Variants in SLC30A6 observed in about 807,000 individuals in gnomAD.
The protein encoded by SLC30A6 is zinc transporter 6.
Under a neutral mutation model 63.0 loss-of-function variants are expected in SLC30A6, and 55 were observed. The ratio of observed to expected loss-of-function variants is 0.87; its 90% CI spans 0.70 to 1.09. SLC30A6 has a LOEUF of 1.09. Among genes scored for constraint, SLC30A6 ranks in the 50% least tolerant of loss-of-function variants. The pLI is 0.00. For missense variants in SLC30A6, 587 were observed against 549.2 expected, an observed-to-expected ratio of 1.07 and a Z score of -0.69; for synonymous variants, 224 against 186.1, an observed-to-expected ratio of 1.20 and a Z score of -1.66.
intron 4 of SLC30A6, chr2:32,177,481 G>A (rs1254632918): frequency 6.5e-5 from 16 of 247,408 alleles, no homozygotes; most frequent in South Asian, 4.5e-4. Context: ...TATTAGAGAC[G>A]GGGTTTCACC....
intron 4 of SLC30A6, among the ~76,000 whole-genome samples, chr2:32,180,096 T>C (rs911820856): frequency 6.6e-6 from 1 of 151,980 alleles, no homozygotes; most frequent in Non-Finnish European, 1.5e-5. Flanking sequence ...TACTCCAGCC[T>C]CAGTGACAGA....
At chr2:32,204,539 T>A in intron 10 of SLC30A6, 51 bp from the exon 11 acceptor site, 1 of 1,220,100 alleles carries the variant, frequency 8.2e-7, no homozygotes, top group Non-Finnish European at 1.2e-6. Context: ...TTAATTGTAA[T>A]ATGCCCAGTG....
At position 32,184,332 on chromosome 2, in the gene SLC30A6, C is replaced by T; in HGVS notation, c.278C>T (p.Ser93Leu). The change falls in exon 5 of 14, where the codon TCA (serine) becomes TTA (leucine). Residue 93 changes from serine (S) to leucine (L), a missense_variant. Physicochemically the swap from Ser to Leu is moderately radical, Grantham distance 145. Coordinates refer to ENST00000282587, the MANE Select transcript of SLC30A6 (RefSeq NM_017964.5). ...TTGAGGAAACCTAGCCCTGTCTATTCATTTGGGTAAGTTCAAATTATTTTA... is the reference window on the plus strand; with the variant it reads ...TTGAGGAAACCTAGCCCTGTCTATTTATTTGGGTAAGTTCAAATTATTTTA... ...VTLRKPSPVY[S>L]FGFERLEVLA... is the part of the protein sequence containing the mutation. The T allele has an allele frequency of 2.0e-6, 3 of 1,491,938 alleles. No individual in the cohort carries two copies. The highest frequency in any genetic ancestry group is 1.4e-5 in the African/African-American group (1 of 71,372). The allele number at this position is 1,491,938 out of a possible 1,614,324, so 92.4% of individuals were successfully genotyped here. A position where few individuals can be genotyped will look rare whatever the true frequency, so the allele number is the denominator to read the frequency against.
intron 4 of SLC30A6, among the ~76,000 whole-genome samples, chr2:32,179,605 T>C (rs1159445590): frequency 2.0e-5 from 3 of 152,188 alleles, no homozygotes; most frequent in African/African-American, 7.2e-5. Context: ...ATCTGTGTAA[T>C]TAAATATTAT....
intron 1 of SLC30A6, among the ~76,000 whole-genome samples, chr2:32,169,680 C>A (rs915718046): frequency 3.9e-5 from 6 of 152,120 alleles, no homozygotes; most frequent in Non-Finnish European, 7.3e-5. Flanking sequence ...TCCTTCACCG[C>A]AGAATGGGGC....
intron 5 of SLC30A6, 59 bp downstream of exon 5, chr2:32,184,397 T>C (rs1682620845): frequency 2.0e-6 from 2 of 988,288 alleles, no homozygotes; most frequent in Non-Finnish European, 1.4e-6. Context: ...TTATTTATAG[T>C]AGACGATAAA....
chr2:32,197,966 G>A (rs892741619), intron 10 of SLC30A6, 140 bp downstream of exon 10: 10 of 998,400 alleles, frequency 1.0e-5, no homozygotes, highest in Non-Finnish European at 1.4e-5. Flanking sequence ...TTTTCCTTAG[G>A]TGTCTTCATC....
intron 13 of SLC30A6, among the ~76,000 whole-genome samples, chr2:32,219,521 G>A (rs964884656): frequency 3.9e-5 from 6 of 151,928 alleles, no homozygotes; most frequent in South Asian, 2.1e-4. Flanking sequence ...TGCAACCTCC[G>A]CCTCCTGGGT....
intron 10 of SLC30A6, chr2:32,201,839 A>G (rs907574677): frequency 5.2e-5 from 75 of 1,431,472 alleles, no homozygotes; most frequent in Middle Eastern, 1.9e-4. Context: ...GACTCAGATG[A>G]GAAATCAGAA....
intron 4 of SLC30A6, 92 bp downstream of exon 4, chr2:32,175,453 A>C (rs1681649627): frequency 5.8e-6 from 6 of 1,030,146 alleles, no homozygotes; most frequent in Non-Finnish European, 8.8e-6. Flanking sequence ...AAAAACAGCA[A>C]CTACTGATAT....
chr2:32,171,696 ATTT>A (rs11324818), intron 2 of SLC30A6, among the ~76,000 whole-genome samples: 1 of 146,882 alleles, frequency 6.8e-6, no homozygotes, highest in African/African-American at 2.5e-5. Context: ...TCTTTTATTT[ATTT>A]TTTTTTTTTT....
At position 32,184,339 on chromosome 2, in the gene SLC30A6, G is replaced by T; in HGVS notation, c.284+1G>T. ...AACCTAGCCCTGTCTATTCATTTGGGTAAGTTCAAATTATTTTATTTTCTG... is the reference window on the plus strand; with the variant it reads ...AACCTAGCCCTGTCTATTCATTTGGTTAAGTTCAAATTATTTTATTTTCTG... On this transcript the variant is annotated splice_donor_variant, in intron 5 of 13. Coordinates refer to ENST00000282587, the MANE Select transcript of SLC30A6 (RefSeq NM_017964.5). LOFTEE classifies it high-confidence loss of function. 1 of 1,479,010 alleles carries T rather than the reference G, an allele frequency of 6.8e-7. No homozygotes were observed. The highest frequency in any genetic ancestry group is 1.5e-5 in the South Asian group (1 of 68,508). 91.6% of individuals were successfully genotyped at this position (1,479,010 alleles called of 1,614,324 possible).
rs1014064292 is a variant in SLC30A6, at chr2:32,188,356, C to T, written c.285-3980C>T. 5.3e-5 allele frequency among the ~76,000 whole-genome samples: 8 copies of T among 152,310 alleles called. 1 individual carries two copies. Among genetic ancestry groups the T allele is most frequent in the Admixed American group, 3.3e-4 (5 of 15,292 alleles). On this transcript the variant is annotated intron_variant, in intron 5 of 13. Transcript: ENST00000282587. ...GACTACTATAATTCTCTGTACAGAACTTACCAAACAAGGTATTTGTTTTTC... is the reference window on the plus strand; with the variant it reads ...GACTACTATAATTCTCTGTACAGAATTTACCAAACAAGGTATTTGTTTTTC...
chr2:32,203,045 C>A, intron 10 of SLC30A6: 1 of 1,244,234 alleles, frequency 8.0e-7, no homozygotes, highest in South Asian at 1.2e-5. Context: ...AACAGAATGC[C>A]CAGTGTTTAC....
intron 1 of SLC30A6, among the ~76,000 whole-genome samples, chr2:32,171,000 A>C (rs1681152284): frequency 6.6e-6 from 1 of 152,218 alleles, no homozygotes; most frequent in Non-Finnish European, 1.5e-5. Flanking sequence ...CCATTTAAAA[A>C]TAAAGAGTGT....
rs2148923127 is a variant in SLC30A6 at position 32,222,088 on chromosome 2, T to C, written c.*1375T>C. The C allele has an allele frequency of 1.3e-5, 2 of 152,346 alleles. No homozygotes were observed. The highest frequency in any genetic ancestry group is 3.9e-4 in the East Asian group (2 of 5,194). The allele number at this position is 152,346 out of a possible 1,614,324, so 9.4% of individuals were successfully genotyped here. On this transcript the variant is annotated 3_prime_UTR_variant, in exon 14 of 14. Coordinates refer to ENST00000282587, the MANE Select transcript of SLC30A6 (RefSeq NM_017964.5). ...TGCAGTGGGCAGTTTCTTTTTGTTT[T>C]GCTTTGTCAAAAATGGGAAATTGTT...
intron 10 of SLC30A6, 122 bp downstream of exon 10, chr2:32,197,948 A>G (rs1683947232): frequency 2.5e-6 from 3 of 1,178,264 alleles, no homozygotes; most frequent in South Asian, 3.1e-5. Context: ...TGTAACTTAG[A>G]TCACATCTTT....
chr2:32,181,202 G>T (rs975815190), intron 4 of SLC30A6, among the ~76,000 whole-genome samples: 48 of 152,212 alleles, frequency 3.2e-4, no homozygotes, highest in African/African-American at 1.1e-3. Flanking sequence ...TAATAAATGG[G>T]TACTGATTTT....
At chr2:32,199,591 A>T (rs569713310) in intron 10 of SLC30A6, among the ~76,000 whole-genome samples, 1 of 152,300 alleles carries the variant, frequency 6.6e-6, no homozygotes, top group Non-Finnish European at 1.5e-5. Context: ...TAAAATGTAC[A>T]ATAAATTATT....
Sources: gnomAD v4.1 joint callset for allele counts (sites outside exome capture counted in the v4.1 genomes callset) on GRCh38, gnomAD v4.1.1 for gene constraint, MANE v1.5 for transcripts, NCBI Gene and HGNC (gene_info 2026-07-23, HGNC 2026-07-21) for gene names.